Variants in SRF observed in about 807,000 individuals in gnomAD.
SRF encodes serum response factor.
Under a neutral mutation model 37.1 loss-of-function variants are expected in SRF, and 7 were observed. The observed-to-expected ratio is 0.19, with a 90% confidence interval of 0.11 to 0.35. The LOEUF is 0.35. SRF is among the 10% of genes least tolerant of loss of function. The probability of loss-of-function intolerance (pLI) is 1.00; values close to 1 mark genes in which losing one functional copy is unlikely to be tolerated. For missense variants in SRF, 395 were observed against 694.4 expected (o/e 0.57, Z 4.85); for synonymous variants, 285 against 310.1 (o/e 0.92, Z 0.85).
Position 43,178,501 on chromosome 6 carries a change from G to T in SRF, c.1354+16G>T. The T allele has an allele frequency of 6.2e-7, 1 of 1,607,192 alleles. No homozygotes were observed. Among genetic ancestry groups the T allele is most frequent in the East Asian group, 2.2e-5 (1 of 44,676 alleles). On this transcript the variant is annotated intron_variant, in intron 5 of 6. Coordinates refer to ENST00000265354, the MANE Select transcript of SRF (RefSeq NM_003131.4). The surrounding 1 kb of genome is among the most constrained non-coding windows in gnomAD (Gnocchi z 4.3). ...CAGGAGCCAGGTGAGTAGAGGAGCA[G>T]GGCTAAGGAAAGGAGGACCGTTTCC...
chr6:43,179,023 G>A lies in SRF; in HGVS notation c.1432-72G>A. On this transcript the variant is annotated intron_variant, in intron 6 of 6. Coordinates refer to ENST00000265354, the MANE Select transcript of SRF (RefSeq NM_003131.4). The surrounding 1 kb of genome is among the most constrained non-coding windows in gnomAD (Gnocchi z 5.3). ...TTTCTGCTCAGGCCTGTGGTTGGCA[G>A]GCAGGGAAGCCAGGGGAGCCTGAAC... 6.3e-7 allele frequency: 1 copy of A among 1,591,134 alleles called. No homozygotes were observed. Among genetic ancestry groups the A allele is most frequent in the East Asian group, 2.2e-5 (1 of 44,740 alleles).
chr6:43,171,592 T>TGGCGGC lies in SRF; in HGVS notation c.-61_-56dup, dbSNP rs1333628663. The TGGCGGC allele has an allele frequency of 6.0e-6, 7 of 1,176,258 alleles. No homozygotes were observed. Among genetic ancestry groups the TGGCGGC allele is most frequent in the Admixed American group, 9.2e-5 (2 of 21,830 alleles). The allele number at this position is 1,176,258 out of a possible 1,614,324, so 72.9% of individuals were successfully genotyped here. A position where few individuals can be genotyped will look rare whatever the true frequency, so the allele number is the denominator to read the frequency against. ...GTGCCGGGTTGAGCCGGGAAGCCGA[T>TGGCGGC]GGCGGCGGCTGCGGCGGCTCCGATT... On this transcript the variant is annotated 5_prime_UTR_variant, in exon 1 of 7. Transcript: ENST00000265354. This position sits in a 1 kb window ranked among gnomAD's most constrained non-coding sequence, Gnocchi z 6.5.
Position 43,176,254 on chromosome 6 carries a change from C to T in SRF, c.1042+287C>T, listed in dbSNP as rs1772196538. Among the ~76,000 whole-genome samples the T allele has an allele frequency of 6.6e-6, 1 of 152,182 alleles. No homozygotes were observed. The highest frequency in any genetic ancestry group is 2.4e-5 in the African/African-American group (1 of 41,442). On this transcript the variant is annotated intron_variant, in intron 3 of 6. Coordinates refer to ENST00000265354, the MANE Select transcript of SRF (RefSeq NM_003131.4). The surrounding 1 kb of genome is among the most constrained non-coding windows in gnomAD (Gnocchi z 4.0). Reference sequence around the variant, plus strand: ...CAGGGCAGTAGATGTTTCACCACTTCCTGCCTTGACTGGAAGGCAGATCAT... The same window carrying T: ...CAGGGCAGTAGATGTTTCACCACTTTCTGCCTTGACTGGAAGGCAGATCAT...
Position 43,172,243 on chromosome 6 carries a change from C to T in SRF, c.513+74C>T. 6.5e-7 allele frequency: 1 copy of T among 1,540,686 alleles called. No homozygotes were observed. On this transcript the variant is annotated intron_variant, in intron 1 of 6. Transcript: ENST00000265354. The surrounding 1 kb of genome is among the most constrained non-coding windows in gnomAD (Gnocchi z 5.7). ...ATGTGCAAAGGGAGCCCGGGAGGAC[C>T]GCAGAGCCGAGGCGGAGGTGAGAGG...
chr6:43,176,762 G>C lies in SRF; in HGVS notation c.1162+95G>C. 1.3e-6 allele frequency: 2 copies of C among 1,502,976 alleles called. No individual in the cohort carries two copies. The highest frequency in any genetic ancestry group is 2.0e-5 in the Admixed American group (1 of 49,790). 93.1% of individuals were successfully genotyped at this position (1,502,976 alleles called of 1,614,324 possible). ...AGTAACCCTCCTGTAACTAAAGTCA[G>C]GGGATTTCTTAAAGTGGAGATTGAG... On this transcript the variant is annotated intron_variant, in intron 4 of 6. Coordinates refer to ENST00000265354, the MANE Select transcript of SRF (RefSeq NM_003131.4). This position sits in a 1 kb window ranked among gnomAD's most constrained non-coding sequence, Gnocchi z 4.0.
In SRF at chr6:43,178,745, C is replaced by T. The variant is rs1582257299; in HGVS notation, c.1355-61C>T. 1 of 1,557,090 alleles carries T rather than the reference C, an allele frequency of 6.4e-7. No individual in the cohort carries two copies. ...AGTCACTTGTGCATTTGACACCACTCCTCCAATATCTGGAAGTTTCAACAA... is the reference window on the plus strand; with the variant it reads ...AGTCACTTGTGCATTTGACACCACTTCTCCAATATCTGGAAGTTTCAACAA... On this transcript the variant is annotated intron_variant, in intron 5 of 6. Coordinates refer to ENST00000265354, the MANE Select transcript of SRF (RefSeq NM_003131.4). The surrounding 1 kb of genome is among the most constrained non-coding windows in gnomAD (Gnocchi z 4.3).
chr6:43,172,383 C>G lies in SRF; in HGVS notation c.513+214C>G, dbSNP rs1420822258. 1 of 985,128 alleles carries G rather than the reference C, an allele frequency of 1.0e-6. No homozygotes were observed. Among genetic ancestry groups the G allele is most frequent in the Non-Finnish European group, 1.2e-6 (1 of 829,890 alleles). 61.0% of individuals were successfully genotyped at this position (985,128 alleles called of 1,614,324 possible). ...GGGAGATCCCGCGAACGCTCGCAAC[C>G]GTGGGGAAAGGCGCAGAGGTGGGAG... On this transcript the variant is annotated intron_variant, in intron 1 of 6. Transcript: ENST00000265354. The surrounding 1 kb of genome is among the most constrained non-coding windows in gnomAD (Gnocchi z 5.7).
chr6:43,174,661 G>T (rs532925075), intron 2 of SRF, among the ~76,000 whole-genome samples: 3 of 152,336 alleles, frequency 2.0e-5, no homozygotes, highest in African/African-American at 2.4e-5. Flanking sequence ...GTAAGGAGAG[G>T]GGGTGGGGCT....
chr6:43,176,108 CT>C lies in SRF; in HGVS notation c.1042+142del. The C allele has an allele frequency of 2.5e-6, 3 of 1,211,032 alleles. No homozygotes were observed. The highest frequency in any genetic ancestry group is 3.4e-6 in the Non-Finnish European group (3 of 886,458). 75.0% of individuals were successfully genotyped at this position (1,211,032 alleles called of 1,614,324 possible). ...ATAGGGGCCAGAGCCTGAGCGAAGC[CT>C]CTTATATCCCGTTGGCAGGCATACC... On this transcript the variant is annotated intron_variant, in intron 3 of 6. Coordinates refer to ENST00000265354, the MANE Select transcript of SRF (RefSeq NM_003131.4). This position sits in a 1 kb window ranked among gnomAD's most constrained non-coding sequence, Gnocchi z 4.0.
chr6:43,180,823 A>C lies in SRF; in HGVS notation c.*1633A>C, dbSNP rs2150499590. On this transcript the variant is annotated 3_prime_UTR_variant, in exon 7 of 7. Transcript: ENST00000265354. Reference sequence around the variant, plus strand: ...TGTGATTAGGTGAAGGGATGGGGGAAGATTTTATGCACAGCCTAGTTATCA... The same window carrying C: ...TGTGATTAGGTGAAGGGATGGGGGACGATTTTATGCACAGCCTAGTTATCA... 6.6e-6 allele frequency: 1 copy of C among 152,284 alleles called. No homozygotes were observed. Among genetic ancestry groups the C allele is most frequent in the East Asian group, 1.9e-4 (1 of 5,200 alleles). The allele number at this position is 152,284 out of a possible 1,614,324, so 9.4% of individuals were successfully genotyped here.
chr6:43,178,257 G>T lies in SRF; in HGVS notation c.1163-37G>T. The T allele has an allele frequency of 1.9e-6, 3 of 1,560,772 alleles. No homozygotes were observed. Among genetic ancestry groups the T allele is most frequent in the South Asian group, 2.4e-5 (2 of 83,428 alleles). On this transcript the variant is annotated intron_variant, in intron 4 of 6. Transcript: ENST00000265354. This position sits in a 1 kb window ranked among gnomAD's most constrained non-coding sequence, Gnocchi z 4.3. ...GGACGGAATGGGAGTTATCAGTGGG[G>T]ACCAGTGCCGAGCTGACACATGTCT... is the stretch of plus-strand genomic sequence containing the variant.
At position 43,178,811 on chromosome 6, in the gene SRF, G is replaced by A. The variant is rs761326401; in HGVS notation, c.1360G>A (p.Val454Ile). ...SHSQVQEPGG[V>I]PQVFLTASSG... ...CCTGTGGTTTTCCAATGTAGGTGGC[G>A]TCCCCCAGGTGTTCCTGACAGCATC... The change falls in exon 6 of 7, where the codon GTC (valine) becomes ATC (isoleucine). Residue 454 changes from valine to isoleucine, a missense_variant. Transcript: ENST00000265354. This position sits in a 1 kb window ranked among gnomAD's most constrained non-coding sequence, Gnocchi z 4.3. 44 of 1,613,994 alleles carry A rather than the reference G, an allele frequency of 2.7e-5. No homozygotes were observed. The highest frequency in any genetic ancestry group is 1.6e-4 in the Middle Eastern group (1 of 6,080).
Position 43,171,811 on chromosome 6 carries a change from G to C in SRF, c.155G>C (p.Gly52Ala). The C allele has an allele frequency of 2.4e-6, 3 of 1,232,032 alleles. No homozygotes were observed. Among genetic ancestry groups the C allele is most frequent in the Non-Finnish European group, 3.0e-6 (3 of 988,418 alleles). 76.3% of individuals were successfully genotyped at this position (1,232,032 alleles called of 1,614,324 possible). ...GTCCCCGGGAATGGCGCGGGGCTCG[G>C]GCCCGGCCGCCTGGAGCGGGAGGCT... Reference protein sequence around the residue: ...GRVPGNGAGLGPGRLEREAAA... With the variant: ...GRVPGNGAGLAPGRLEREAAA... The change falls in exon 1 of 7, where the codon GGG becomes GCG. Residue 52 changes from glycine (G) to alanine (A), a missense_variant. Coordinates refer to ENST00000265354, the MANE Select transcript of SRF (RefSeq NM_003131.4). The surrounding 1 kb of genome is among the most constrained non-coding windows in gnomAD (Gnocchi z 6.5).
In SRF at chr6:43,171,794, G is replaced by C. The variant is rs548562090; in HGVS notation, c.138G>C (p.Gly46=). The C allele has an allele frequency of 3.3e-6, 4 of 1,219,528 alleles. No individual in the cohort carries two copies. Among genetic ancestry groups the C allele is most frequent in the Non-Finnish European group, 4.1e-6 (4 of 980,662 alleles). 75.5% of individuals were successfully genotyped at this position (1,219,528 alleles called of 1,614,324 possible). A position where few individuals can be genotyped will look rare whatever the true frequency, so the allele number is the denominator to read the frequency against. ...GGGCTAACGGGGGCCGGGTCCCCGG[G>C]AATGGCGCGGGGCTCGGGCCCGGCC... The part of the protein sequence containing the change: ...TRGANGGRVP[G]NGAGLGPGRL... Residue 46 remains glycine, a synonymous_variant, in exon 1 of 7, where the codon GGG becomes GGC. Transcript: ENST00000265354. The surrounding 1 kb of genome is among the most constrained non-coding windows in gnomAD (Gnocchi z 6.5).
chr6:43,176,720 A>C lies in SRF; in HGVS notation c.1162+53A>C. 6.3e-7 allele frequency: 1 copy of C among 1,592,310 alleles called. No homozygotes were observed. ...CTCCCTGCCTTCCCCCACGAGGCCT[A>C]GCAGTAGGTGCCCAACAGTAACCCT... On this transcript the variant is annotated intron_variant, in intron 4 of 6. Transcript: ENST00000265354. The surrounding 1 kb of genome is among the most constrained non-coding windows in gnomAD (Gnocchi z 4.0).
Position 43,178,939 on chromosome 6 carries a change from AG to A in SRF, c.1431+61del. On this transcript the variant is annotated intron_variant, in intron 6 of 6. Transcript: ENST00000265354. This position sits in a 1 kb window ranked among gnomAD's most constrained non-coding sequence, Gnocchi z 4.3. ...ATAGCCACTTCTTTGTCTTGACCTT[AG>A]GGGATCCTGTTACCAGTTCATCAAA... 1 of 1,592,968 alleles carries A rather than the reference AG, an allele frequency of 6.3e-7. No individual in the cohort carries two copies. The highest frequency in any genetic ancestry group is 8.6e-7 in the Non-Finnish European group (1 of 1,160,874).
At chr6:43,175,321 C>G (rs1012036883) in intron 2 of SRF, among the ~76,000 whole-genome samples, 1 of 152,124 alleles carries the variant, frequency 6.6e-6, no homozygotes, top group African/African-American at 2.4e-5. Flanking sequence ...GTCCTGACTC[C>G]CCAGCCAATG....
At position 43,178,213 on chromosome 6, in the gene SRF, G is replaced by C. The variant is rs1053258725; in HGVS notation, c.1163-81G>C. ...ACCTGGGAAATGGCAAGAGGGCTCTGGGGGCCTGGAATTCCTAGGGACGGA... is the reference window on the plus strand; with the variant it reads ...ACCTGGGAAATGGCAAGAGGGCTCTCGGGGCCTGGAATTCCTAGGGACGGA... On this transcript the variant is annotated intron_variant, in intron 4 of 6. Transcript: ENST00000265354. The surrounding 1 kb of genome is among the most constrained non-coding windows in gnomAD (Gnocchi z 4.3). 1.4e-6 allele frequency: 2 copies of C among 1,417,650 alleles called. No homozygotes were observed. Among genetic ancestry groups the C allele is most frequent in the Non-Finnish European group, 9.4e-7 (1 of 1,059,850 alleles). 87.8% of individuals were successfully genotyped at this position (1,417,650 alleles called of 1,614,324 possible).
rs140615670 is a variant in SRF, at chr6:43,173,480, A to T, written c.514-367A>T. Among the ~76,000 whole-genome samples, 40 of 152,252 alleles carry T rather than the reference A, an allele frequency of 2.6e-4. No individual in the cohort carries two copies. The highest frequency in any genetic ancestry group is 9.4e-4 in the African/African-American group (39 of 41,548). ...ACAAATTCCAGTGTGATAGGTAGGG[A>T]TCCATCCTGGTCCCTGTGACAGTGA... On this transcript the variant is annotated intron_variant, in intron 1 of 6. Coordinates refer to ENST00000265354, the MANE Select transcript of SRF (RefSeq NM_003131.4). The surrounding 1 kb of genome is among the most constrained non-coding windows in gnomAD (Gnocchi z 4.2).
Sources: allele counts gnomAD v4.1 joint callset (sites outside exome capture counted in the v4.1 genomes callset), GRCh38; gene constraint gnomAD v4.1.1; non-coding constraint Gnocchi (gnomAD v3.1); transcripts MANE v1.5; gene names NCBI Gene and HGNC (gene_info 2026-07-23, HGNC 2026-07-21).